SEC23IP: variants seen among roughly 807,000 people sequenced by gnomAD.
SEC23IP encodes SEC23 interacting protein.
Under a neutral mutation model 113.4 loss-of-function variants are expected in SEC23IP, and 70 were observed. That is an observed-to-expected ratio of 0.62 (90% CI 0.51 to 0.75). The LOEUF (loss-of-function observed/expected upper bound fraction) is 0.75, where lower values mean the gene tolerates loss of function less well. Ranked by LOEUF, SEC23IP falls within the 30% of genes least tolerant of loss-of-function variation. SEC23IP has a pLI of 0.00. For synonymous variants in SEC23IP, 398 were observed against 421.0 expected (o/e 0.95, Z 0.67); for missense variants, 1,160 against 1,204.9 (o/e 0.96, Z 0.55).
chr10:119,919,256 A>G (rs571545681), intron 10 of SEC23IP, among the ~76,000 whole-genome samples, 188 bp from the exon 11 acceptor site: 33 of 152,204 alleles, frequency 2.2e-4, no homozygotes, highest in African/African-American at 7.7e-4. Context: ...AGCCTCCCAA[A>G]GTGCTGGGAT....
At chr10:119,927,442 G>T (rs144647821) in intron 13 of SEC23IP, among the ~76,000 whole-genome samples, 148 of 152,238 alleles carry the variant, frequency 9.7e-4, no homozygotes, top group Admixed American at 6.0e-3. Flanking sequence ...GAATCCTTTC[G>T]TGTTTCTTCG....
At position 119,902,973 on chromosome 10, in the gene SEC23IP, T is replaced by C; in HGVS notation, c.871T>C (p.Phe291Leu). ...YKQLWMPFSV[F>L]DSLNLEEIYN... The stretch of plus-strand genomic sequence containing the variant: ...ACAACTGTGGATGCCTTTTAGTGTG[T>C]TCGACTCTTTGAATCTTGAAGAAAT... The change falls in exon 3 of 19, where the codon TTC becomes CTC. Residue 291 changes from phenylalanine (F) to leucine (L), a missense_variant. Physicochemically the swap from Phe to Leu is conservative, Grantham distance 22. Transcript: ENST00000369075. The C allele has an allele frequency of 6.2e-7, 1 of 1,614,200 alleles. No homozygotes were observed. Among genetic ancestry groups the C allele is most frequent in the Non-Finnish European group, 8.5e-7 (1 of 1,180,016 alleles).
rs779376229 is a variant in SEC23IP, at chr10:119,934,283, A to G, written c.*20+496A>G. Among the ~76,000 whole-genome samples the G allele has an allele frequency of 5.3e-5, 8 of 152,158 alleles. No homozygotes were observed. In the East Asian group the frequency reaches 1.5e-3, roughly 29 times the overall value. ...ATTCACAACATGAATAAGAGGGGAG[A>G]GGGTAGTACTCCTCACATCTGTCGC... On this transcript the variant is annotated intron_variant, in intron 18 of 18. Transcript: ENST00000369075.
Position 119,941,239 on chromosome 10 carries a change from G to T in SEC23IP, c.*674G>T, listed in dbSNP as rs900209582. 1 of 152,160 alleles carries T rather than the reference G, an allele frequency of 6.6e-6. No homozygotes were observed. The highest frequency in any genetic ancestry group is 2.4e-5 in the African/African-American group (1 of 41,440). The allele number at this position is 152,160 out of a possible 1,614,324, so 9.4% of individuals were successfully genotyped here. The stretch of plus-strand genomic sequence containing the variant: ...TTATTTTCAAGAAGTCCTGGGAAGC[G>T]CTCTCCTAGCACGTCCATTTCCAGG... On this transcript the variant is annotated 3_prime_UTR_variant, in exon 19 of 19. Transcript: ENST00000369075.
chr10:119,920,004 T>C (rs1855194955), intron 11 of SEC23IP, among the ~76,000 whole-genome samples: 2 of 152,182 alleles, frequency 1.3e-5, no homozygotes, highest in Non-Finnish European at 1.5e-5. Context: ...TAACAAATGG[T>C]GTCTTCGCAT....
In SEC23IP at chr10:119,901,897, G is replaced by A. The variant is rs1159369560; in HGVS notation, c.697-902G>A. Reference sequence around the variant, plus strand: ...AGACAGGGTTTCACCATGTTGGCCCGGCTTGTCTCGAACTCCTGACCTTAG... The same window carrying A: ...AGACAGGGTTTCACCATGTTGGCCCAGCTTGTCTCGAACTCCTGACCTTAG... On this transcript the variant is annotated intron_variant, in intron 2 of 18. Coordinates refer to ENST00000369075, the MANE Select transcript of SEC23IP (RefSeq NM_007190.4). 9.9e-5 allele frequency among the ~76,000 whole-genome samples: 15 copies of A among 152,076 alleles called. No homozygotes were observed. In the East Asian group the frequency reaches 2.3e-3, roughly 24 times the overall value.
At chr10:119,917,779 A>G in intron 8 of SEC23IP, 57 bp from the exon 9 acceptor site, 1 of 1,359,766 alleles carries the variant, frequency 7.4e-7, no homozygotes, top group Non-Finnish European at 1.0e-6. Flanking sequence ...CTTTAAAAAA[A>G]TCTGTAAATT....
chr10:119,933,148 CAG>C lies in SEC23IP; in HGVS notation c.2905_2906del (p.His970LeufsTer7). 6.2e-7 allele frequency: 1 copy of C among 1,613,962 alleles called. No individual in the cohort carries two copies. The highest frequency in any genetic ancestry group is 8.5e-7 in the Non-Finnish European group (1 of 1,179,900). ...TTTTAATGAATACCTTTTCGCTCTTCAGAGTCACTTATGCTATTGGTAAGTGT... is the reference window on the plus strand; with the variant it reads ...TTTTAATGAATACCTTTTCGCTCTTCAGTCACTTATGCTATTGGTAAGTGT... ...ESFNEYLFAL[Q>X]SHLCYWESED... On this transcript the variant is annotated frameshift_variant, in exon 17 of 19. Transcript: ENST00000369075. LOFTEE classifies it high-confidence loss of function.
chr10:119,913,073 C>T (rs1490607484), intron 6 of SEC23IP, among the ~76,000 whole-genome samples: 1 of 152,186 alleles, frequency 6.6e-6, no homozygotes, highest in Non-Finnish European at 1.5e-5. Flanking sequence ...TTTTTATCTT[C>T]ACTTCCCCCC....
chr10:119,901,334 C>G (rs1421595218), intron 2 of SEC23IP, among the ~76,000 whole-genome samples: 1 of 151,586 alleles, frequency 6.6e-6, no homozygotes, highest in Admixed American at 6.6e-5. Flanking sequence ...TGTTTATTTA[C>G]TTATTTTTTT....
chr10:119,910,450 G>C (rs1411509655), intron 5 of SEC23IP, among the ~76,000 whole-genome samples: 1 of 152,126 alleles, frequency 6.6e-6, no homozygotes, highest in Non-Finnish European at 1.5e-5. Flanking sequence ...ATGGGGCTTA[G>C]CACACAGTAG....
chr10:119,926,213 G>T lies in SEC23IP; in HGVS notation c.2299G>T (p.Val767Phe), dbSNP rs771865452. 1.9e-6 allele frequency: 3 copies of T among 1,614,050 alleles called. No individual in the cohort carries two copies. The highest frequency in any genetic ancestry group is 2.5e-6 in the Non-Finnish European group (3 of 1,179,970). Residue 767 changes from valine to phenylalanine, a missense_variant, in exon 13 of 19, where the codon GTT (valine) becomes TTT (phenylalanine). Val to Phe is a conservative substitution (Grantham distance 50). Coordinates refer to ENST00000369075, the MANE Select transcript of SEC23IP (RefSeq NM_007190.4). ...SVCVNYESFE[V>F]GAGQVSVAYN... ...GTGTGTGAATTATGAATCTTTTGAA[G>T]TTGGCGCCGGACAGGTGAGTTTACA...
At chr10:119,921,546 T>G (rs987075269) in intron 12 of SEC23IP, among the ~76,000 whole-genome samples, 5 of 152,208 alleles carry the variant, frequency 3.3e-5, no homozygotes, top group Non-Finnish European at 5.9e-5. Context: ...CATGCAAAGC[T>G]TAGCACCAAG....
intron 4 of SEC23IP, among the ~76,000 whole-genome samples, chr10:119,906,212 C>A (rs1451251276): frequency 1.4e-5 from 2 of 146,290 alleles, no homozygotes; most frequent in Non-Finnish European, 3.0e-5. Context: ...AGCCTGGGAT[C>A]TTGAGGCTGC....
intron 5 of SEC23IP, among the ~76,000 whole-genome samples, 154 bp from the exon 6 acceptor site, chr10:119,911,890 A>AAG (rs1234565218): frequency 6.6e-6 from 1 of 152,224 alleles, no homozygotes; most frequent in East Asian, 1.9e-4. Flanking sequence ...GAACACTAGC[A>AAG]AGACTCCTTC....
intron 7 of SEC23IP, 21 bp from the exon 8 acceptor site, chr10:119,915,726 CT>C (rs398046283): frequency 0.024 from 26,011 of 1,062,150 alleles, no homozygotes; most frequent in Admixed American, 0.034. Flanking sequence ...TTTATTTTCT[CT>C]TTTTTTTTTT....
intron 15 of SEC23IP, among the ~76,000 whole-genome samples, chr10:119,931,255 C>G (rs1012946593): frequency 1.7e-4 from 24 of 139,558 alleles, no homozygotes; most frequent in Admixed American, 1.3e-3. Context: ...ACTCCAGTCT[C>G]CGAGAGACTC....
Position 119,942,758 on chromosome 10 carries a change from G to A in SEC23IP, c.*2193G>A, listed in dbSNP as rs937067185. ...CCCAGGCCTCGTCAGCTATGTTAAC[G>A]TGCTGTATGACAAGAGGAACCTGCT... On this transcript the variant is annotated 3_prime_UTR_variant, in exon 19 of 19. Coordinates refer to ENST00000369075, the MANE Select transcript of SEC23IP (RefSeq NM_007190.4). 8.5e-5 allele frequency: 13 copies of A among 152,206 alleles called. No homozygotes were observed. Among genetic ancestry groups the A allele is most frequent in the Admixed American group, 6.5e-5 (1 of 15,280 alleles). The allele number at this position is 152,206 out of a possible 1,614,324, so 9.4% of individuals were successfully genotyped here.
chr10:119,901,087 G>A (rs1176791101), intron 2 of SEC23IP, among the ~76,000 whole-genome samples: 2 of 149,470 alleles, frequency 1.3e-5, no homozygotes, highest in Non-Finnish European at 3.0e-5. Flanking sequence ...GAGTGCAGTG[G>A]TGTGATTACA....
Sources: allele counts gnomAD v4.1 joint callset (sites outside exome capture counted in the v4.1 genomes callset), GRCh38; gene constraint gnomAD v4.1.1; transcripts MANE v1.5; gene names NCBI Gene and HGNC (gene_info 2026-07-23, HGNC 2026-07-21).